ROBO2: variants seen among roughly 807,000 people sequenced by gnomAD.
The protein encoded by ROBO2 is roundabout homolog 2.
In ROBO2, 53 loss-of-function variants were observed where a neutral mutation model predicts 160.8. That is an observed-to-expected ratio of 0.33 (90% confidence interval 0.26 to 0.41). The LOEUF (loss-of-function observed/expected upper bound fraction) is 0.41, where lower values mean the gene tolerates loss of function less well. Among genes scored for constraint, ROBO2 ranks in the 10% least tolerant of loss-of-function variants. The pLI is 1.00. For synonymous variants in ROBO2, 664 were observed against 611.7 expected (o/e 1.09, Z -1.26); for missense variants, 1,577 against 1,722.4 (o/e 0.92, Z 1.49).
chr3:77,589,084 G>A (rs1377761060), intron 17 of ROBO2, 151 bp downstream of exon 18: 3 of 860,242 alleles, frequency 3.5e-6, no homozygotes, highest in African/African-American at 1.7e-5. Flanking sequence ...ATGCTTTAAT[G>A]CATTGCTCTT....
intron 2 of ROBO2, among the ~76,000 whole-genome samples, chr3:76,283,134 C>CTATATATA (rs1708322176): frequency 1.4e-4 from 1 of 7,182 alleles, no homozygotes; most frequent in South Asian, 0.013. Flanking sequence ...ATATATAAAA[C>CTATATATA]TGTATATATA....
intron 8 of ROBO2, among the ~76,000 whole-genome samples, chr3:77,556,798 A>G (rs1360992316): frequency 1.3e-5 from 2 of 151,872 alleles, no homozygotes; most frequent in African/African-American, 2.4e-5. Context: ...TCTTTTTCAT[A>G]TATATTCTTT....
intron 2 of ROBO2, among the ~76,000 whole-genome samples, chr3:75,961,881 G>C (rs542607133): frequency 2.7e-5 from 4 of 150,834 alleles, no homozygotes; most frequent in South Asian, 2.1e-4. Context: ...AAAAATACTA[G>C]AAGTAATTTA....
At chr3:77,561,289 A>T (rs373712689) in intron 9 of ROBO2, among the ~76,000 whole-genome samples, 21 of 152,260 alleles carry the variant, frequency 1.4e-4, no homozygotes, top group East Asian at 1.4e-3. Flanking sequence ...CAACAATTAG[A>T]CTGATGTTCA....
intron 2 of ROBO2, among the ~76,000 whole-genome samples, chr3:76,699,370 A>G (rs1359813956): frequency 6.6e-6 from 1 of 152,048 alleles, no homozygotes; most frequent in Non-Finnish European, 1.5e-5. Context: ...GGGGAAGGGA[A>G]TTTTCCCCAC....
chr3:75,916,404 G>A (rs1314043566), intron 1 of ROBO2, among the ~76,000 whole-genome samples: 2 of 152,006 alleles, frequency 1.3e-5, no homozygotes, highest in African/African-American at 4.8e-5. Flanking sequence ...AATATCAAAT[G>A]ATCAATGTAT....
chr3:76,076,213 A>G (rs938993348), intron 2 of ROBO2, among the ~76,000 whole-genome samples: 1 of 152,114 alleles, frequency 6.6e-6, no homozygotes, highest in African/African-American at 2.4e-5. Context: ...CATTTGCTGG[A>G]TGGTTCACTT....
intron 2 of ROBO2, among the ~76,000 whole-genome samples, chr3:76,966,939 A>G (rs1293541851): frequency 6.6e-6 from 1 of 152,192 alleles, no homozygotes; most frequent in East Asian, 1.9e-4. Flanking sequence ...AGAGCAGGGT[A>G]CCCACATCAG....
rs17015107 is a variant in ROBO2, at chr3:77,245,615, A to G, written c.388+147275A>G. 4.8e-3 allele frequency among the ~76,000 whole-genome samples: 729 copies of G among 152,330 alleles called. 2 individuals carry two copies. The highest frequency in any genetic ancestry group is 0.023 in the East Asian group (119 of 5,174). The stretch of plus-strand genomic sequence containing the variant: ...CTCATTTAGCTCAACTCTCCAAAGG[A>G]TGAAGCTGTGTGGATACAAGGGAGA... On this transcript the variant is annotated intron_variant, in intron 2 of 25. Transcript: ENST00000461745.
At chr3:77,286,565 G>GT (rs77477364) in intron 2 of ROBO2, among the ~76,000 whole-genome samples, 46,011 of 151,922 alleles carry the variant, frequency 0.3, 8,354 homozygotes, top group Middle Eastern at 0.44. Flanking sequence ...CTATGGAGCA[G>GT]TTTTTTAAAA....
intron 2 of ROBO2, among the ~76,000 whole-genome samples, chr3:76,486,371 G>A (rs377116408): frequency 2.4e-4 from 36 of 152,214 alleles, no homozygotes; most frequent in Admixed American, 1.0e-3. Context: ...GCTAATGCTC[G>A]GTGGTTACGC....
At chr3:77,549,057 A>T (rs755521294) in intron 7 of ROBO2, among the ~76,000 whole-genome samples, 7 of 151,912 alleles carry the variant, frequency 4.6e-5, no homozygotes, top group Non-Finnish European at 8.8e-5. Flanking sequence ...CTCTAATAGG[A>T]TACCCAGGCA....
chr3:76,243,671 A>T (rs999254446), intron 2 of ROBO2, among the ~76,000 whole-genome samples: 1 of 152,120 alleles, frequency 6.6e-6, no homozygotes, highest in African/African-American at 2.4e-5. Context: ...GCCTGCAGAT[A>T]AGAAAAGTGC....
chr3:76,434,106 G>T lies in ROBO2; in HGVS notation c.109+496504G>T. On this transcript the variant is annotated intron_variant, in intron 2 of 26. Coordinates refer to the ROBO2 transcript ENST00000487694. ...TCCCATACCTCTGACATGCACCGTG[G>T]GTATGGAGACAGCTCCATATGTGCA... 2.4e-6 allele frequency: 3 copies of T among 1,260,342 alleles called. 1 individual carries two copies. The South Asian group carries it at 3.6e-5, about 15-fold the overall frequency. 78.1% of individuals were successfully genotyped at this position (1,260,342 alleles called of 1,614,324 possible).
At position 76,383,908 on chromosome 3, in the gene ROBO2, G is replaced by A. The variant is rs929993258; in HGVS notation, c.109+446306G>A. On this transcript the variant is annotated intron_variant, in intron 2 of 26. Coordinates refer to the ROBO2 transcript ENST00000487694. ...TGCGTCAGGGAAATTTCCGTTCAGG[G>A]TATTCCCAGAGGATGGAGTGGTTTA... 3.3e-5 allele frequency among the ~76,000 whole-genome samples: 5 copies of A among 152,264 alleles called. No individual in the cohort carries two copies. The South Asian group carries it at 1.0e-3, about 32-fold the overall frequency.
chr3:76,913,668 C>T (rs181071597), intron 2 of ROBO2, among the ~76,000 whole-genome samples: 5 of 152,222 alleles, frequency 3.3e-5, no homozygotes, highest in Admixed American at 1.3e-4. Flanking sequence ...GCCTGAAAAA[C>T]GTGGCAATTA....
In ROBO2 at chr3:76,644,271, G is replaced by A. The variant is rs534760267; in HGVS notation, c.110-453743G>A. On this transcript the variant is annotated intron_variant, in intron 2 of 26. Coordinates refer to the ROBO2 transcript ENST00000487694. ...TATCCACATTTGAAAAGCAAGTGGT[G>A]TTAAAAAAAAATTCATTCAATTCAA... Among the ~76,000 whole-genome samples, 3 of 152,082 alleles carry A rather than the reference G, an allele frequency of 2.0e-5. No individual in the cohort carries two copies. The East Asian group carries it at 5.8e-4, about 29-fold the overall frequency.
chr3:76,412,279 A>G (rs2075529013), intron 2 of ROBO2, among the ~76,000 whole-genome samples: 1 of 152,198 alleles, frequency 6.6e-6, no homozygotes, highest in Non-Finnish European at 1.5e-5. Context: ...ATTCTGGGAA[A>G]TACAATTCAA....
intron 5 of ROBO2, among the ~76,000 whole-genome samples, chr3:77,507,967 A>G (rs1474944472): frequency 6.6e-6 from 1 of 152,094 alleles, no homozygotes; most frequent in Non-Finnish European, 1.5e-5. Context: ...AAAAATTGCC[A>G]AAAGAGTGTT....
Sources: allele counts gnomAD v4.1 joint callset (sites outside exome capture counted in the v4.1 genomes callset), GRCh38; gene constraint gnomAD v4.1.1; transcripts MANE v1.5; gene names NCBI Gene and HGNC (gene_info 2026-07-23, HGNC 2026-07-21).